Variants in BRINP3 observed in about 807,000 individuals in gnomAD.
BRINP3 encodes the protein BMP/retinoic acid inducible neural specific 3, also known as BMP/retinoic acid-inducible neural-specific protein 3.
In BRINP3, 19 loss-of-function variants were observed where a neutral mutation model predicts 71.0. The ratio of observed to expected loss-of-function variants is 0.27; its 90% CI spans 0.19 to 0.39. BRINP3 has a LOEUF of 0.39. Among genes scored for constraint, BRINP3 ranks in the 10% least tolerant of loss-of-function variants. The pLI, the probability that BRINP3 is intolerant of heterozygous loss-of-function variation, is 1.00. For missense variants in BRINP3, 959 were observed against 940.8 expected (o/e 1.02, Z -0.25); for synonymous variants, 380 against 337.7 (o/e 1.13, Z -1.37).
chr1:190,409,451 C>A (rs1201920915), intron 2 of BRINP3, among the ~76,000 whole-genome samples: 1 of 152,094 alleles, frequency 6.6e-6, no homozygotes, highest in African/African-American at 2.4e-5. Flanking sequence ...AAATCACAGT[C>A]TAATATTTTC....
chr1:190,350,186 A>G (rs61818779), intron 2 of BRINP3, among the ~76,000 whole-genome samples: 31,790 of 152,034 alleles, frequency 0.21, 3,354 homozygotes, highest in South Asian at 0.28. Flanking sequence ...AGGCTAAAGC[A>G]GACAAACAGA....
chr1:190,173,327 A>C (rs1652195184), intron 6 of BRINP3, among the ~76,000 whole-genome samples: 1 of 152,156 alleles, frequency 6.6e-6, no homozygotes. Context: ...GGATATATTC[A>C]TGGCTAATGT....
In BRINP3 at chr1:190,161,498, A is replaced by G. The variant is rs114700597; in HGVS notation, c.962-608T>C. 7.4e-3 allele frequency among the ~76,000 whole-genome samples: 1,128 copies of G among 152,076 alleles called. 9 individuals are homozygous for G. Among genetic ancestry groups the G allele is most frequent in the African/African-American group, 0.023 (967 of 41,556 alleles). ...GTAACTGACTATATTCTAATTTGTT[A>G]TGACTAACCATTTAAAACATGAGTA... On this transcript the variant is annotated intron_variant, in intron 6 of 7. Coordinates refer to ENST00000367462, the MANE Select transcript of BRINP3 (RefSeq NM_199051.3).
At chr1:190,446,036 A>G (rs1268176532) in intron 2 of BRINP3, among the ~76,000 whole-genome samples, 5 of 152,240 alleles carry the variant, frequency 3.3e-5, no homozygotes, top group Admixed American at 6.5e-5. Context: ...TTTTTAATTT[A>G]TAGTAACGAT....
intron 6 of BRINP3, among the ~76,000 whole-genome samples, chr1:190,163,785 G>C (rs1230685400): frequency 6.6e-6 from 1 of 152,020 alleles, no homozygotes; most frequent in Non-Finnish European, 1.5e-5. Context: ...AACAAGGTTT[G>C]TTGTGCCTTT....
chr1:190,161,764 C>G (rs1220563146), intron 6 of BRINP3, among the ~76,000 whole-genome samples: 1 of 151,934 alleles, frequency 6.6e-6, no homozygotes, highest in Non-Finnish European at 1.5e-5. Context: ...TGAGCATATA[C>G]AAAATGTATT....
chr1:190,329,521 G>A (rs895173408), intron 2 of BRINP3, among the ~76,000 whole-genome samples: 3 of 151,758 alleles, frequency 2.0e-5, no homozygotes, highest in Non-Finnish European at 4.4e-5. Context: ...ACTGCTAAAA[G>A]AAATCATAGA....
At chr1:190,469,589 C>T (rs1050792810) in intron 1 of BRINP3, among the ~76,000 whole-genome samples, 10 of 150,884 alleles carry the variant, frequency 6.6e-5, no homozygotes, top group Admixed American at 6.6e-4. Flanking sequence ...AACAGTATTT[C>T]TTCTGTGTAT....
At chr1:190,441,857 G>T (rs1402661796) in intron 2 of BRINP3, among the ~76,000 whole-genome samples, 1 of 152,040 alleles carries the variant, frequency 6.6e-6, no homozygotes, top group Non-Finnish European at 1.5e-5. Flanking sequence ...ATAGAATTGG[G>T]ATAGGATTAG....
intron 3 of BRINP3, among the ~76,000 whole-genome samples, chr1:190,268,991 T>C (rs1267841923): frequency 6.6e-6 from 1 of 152,118 alleles, no homozygotes; most frequent in Non-Finnish European, 1.5e-5. Context: ...CAGCAATGAA[T>C]TGTAAGTGAA....
At chr1:190,267,490 C>T (rs546375880) in intron 3 of BRINP3, among the ~76,000 whole-genome samples, 1 of 151,848 alleles carries the variant, frequency 6.6e-6, no homozygotes, top group Non-Finnish European at 1.5e-5. Context: ...AGAGAAATAT[C>T]TATAACATAC....
At chr1:190,293,967 C>A (rs1664060365) in intron 2 of BRINP3, among the ~76,000 whole-genome samples, 1 of 151,488 alleles carries the variant, frequency 6.6e-6, no homozygotes, top group African/African-American at 2.4e-5. Context: ...GCTTTTTGTT[C>A]TTTTTTAATT....
intron 1 of BRINP3, among the ~76,000 whole-genome samples, chr1:190,457,460 A>AAAAACAAAATAAAAC (rs1676076368): frequency 6.6e-6 from 1 of 151,350 alleles, no homozygotes; most frequent in Non-Finnish European, 1.5e-5. Context: ...ACACAAAAAC[A>AAAAACAAAATAAAAC]AAAACAAAAC....
intron 3 of BRINP3, among the ~76,000 whole-genome samples, chr1:190,271,917 A>AC (rs1662143970): frequency 1.3e-5 from 2 of 151,536 alleles, no homozygotes; most frequent in East Asian, 3.9e-4. Flanking sequence ...CTATGATACA[A>AC]CTGGAAAGTG....
chr1:190,367,726 A>C (rs894407209), intron 2 of BRINP3, among the ~76,000 whole-genome samples: 1 of 152,154 alleles, frequency 6.6e-6, no homozygotes, highest in African/African-American at 2.4e-5. Context: ...CAGATATCTA[A>C]GGCAGGGGCA....
intron 2 of BRINP3, among the ~76,000 whole-genome samples, chr1:190,282,648 C>CA (rs989809532): frequency 7.3e-5 from 11 of 151,700 alleles, no homozygotes; most frequent in African/African-American, 2.4e-4. Context: ...TATTTTTCTC[C>CA]AAAAAATGCT....
At chr1:190,274,509 A>G (rs1662381503) in intron 3 of BRINP3, among the ~76,000 whole-genome samples, 2 of 151,666 alleles carry the variant, frequency 1.3e-5, no homozygotes, top group African/African-American at 4.8e-5. Flanking sequence ...AATCCTTCTC[A>G]CAGAAATATA....
chr1:190,448,860 G>A (rs1338124789), intron 2 of BRINP3, among the ~76,000 whole-genome samples: 1 of 151,428 alleles, frequency 6.6e-6, no homozygotes, highest in African/African-American at 2.4e-5. Flanking sequence ...GTCTTTATAT[G>A]TAGCAGGAAA....
chr1:190,277,366 CA>C (rs1662674943), intron 3 of BRINP3, among the ~76,000 whole-genome samples: 2 of 151,092 alleles, frequency 1.3e-5, no homozygotes, highest in African/African-American at 4.8e-5. Flanking sequence ...CTGAGAGAGA[CA>C]AGAGTACTAG....
Sources: allele counts gnomAD v4.1 joint callset (sites outside exome capture counted in the v4.1 genomes callset), GRCh38; gene constraint gnomAD v4.1.1; transcripts MANE v1.5; gene names NCBI Gene and HGNC (gene_info 2026-07-23, HGNC 2026-07-21).